Variants in GPR139 observed in about 807,000 individuals in gnomAD.
The protein encoded by GPR139 is probable G protein-coupled receptor 139.
Under a neutral mutation model 25.8 loss-of-function variants are expected in GPR139, and 12 were observed. The observed-to-expected ratio is 0.47, with a 90% CI of 0.30 to 0.75. GPR139 has a LOEUF of 0.75. Among genes scored for constraint, GPR139 ranks in the 30% least tolerant of loss-of-function variants. The pLI is 0.07. For missense variants in GPR139, 380 were observed against 450.2 expected, an observed-to-expected ratio of 0.84 and a Z score of 1.41; for synonymous variants, 184 against 179.9, an observed-to-expected ratio of 1.02 and a Z score of -0.18.
chr16:20,041,255 GGA>G (rs2057334275), intron 1 of GPR139, among the ~76,000 whole-genome samples: 1 of 896 alleles, frequency 1.1e-3, no homozygotes, highest in Non-Finnish European at 2.8e-3. Flanking sequence ...GGAGAGGGAA[GGA>G]GAAAAGAAAA....
intron 1 of GPR139, among the ~76,000 whole-genome samples, chr16:20,046,339 G>C (rs1902813): frequency 0.19 from 28,632 of 152,182 alleles, 3,346 homozygotes; most frequent in East Asian, 0.37. Context: ...CACACAAGTG[G>C]TTTGCATCCA....
At chr16:20,063,561 G>A (rs2057421349) in intron 1 of GPR139, among the ~76,000 whole-genome samples, 1 of 152,202 alleles carries the variant, frequency 6.6e-6, no homozygotes, top group South Asian at 2.1e-4. Flanking sequence ...ACATACACTA[G>A]CACCAAGCTG....
chr16:20,062,491 C>G (rs533537598), intron 1 of GPR139, among the ~76,000 whole-genome samples: 11 of 152,254 alleles, frequency 7.2e-5, no homozygotes, highest in Non-Finnish European at 1.2e-4. Context: ...ATTTATAAAG[C>G]CTTCAGAACT....
intron 1 of GPR139, among the ~76,000 whole-genome samples, chr16:20,050,111 A>G (rs2141208191): frequency 6.6e-6 from 1 of 152,350 alleles, no homozygotes; most frequent in Non-Finnish European, 1.5e-5. Flanking sequence ...ACTCAGAGAG[A>G]AGCTCCATGA....
chr16:20,048,843 G>T (rs2057362575), intron 1 of GPR139, among the ~76,000 whole-genome samples: 1 of 152,128 alleles, frequency 6.6e-6, no homozygotes, highest in Admixed American at 6.5e-5. Context: ...GCTCCCTTCT[G>T]CAACCCCTGC....
At chr16:20,040,852 G>T (rs2057327266) in intron 1 of GPR139, among the ~76,000 whole-genome samples, 1 of 152,106 alleles carries the variant, frequency 6.6e-6, no homozygotes, top group Non-Finnish European at 1.5e-5. Context: ...GAGCACAGTT[G>T]CTCAGTCCAC....
At position 20,029,963 on chromosome 16, in the gene GPR139, G is replaced by A. The variant is rs1342555131; in HGVS notation, c.*1772C>T. Among the ~76,000 whole-genome samples the A allele has an allele frequency of 6.6e-6, 1 of 152,150 alleles. No individual in the cohort carries two copies. The highest frequency in any genetic ancestry group is 2.4e-5 in the African/African-American group (1 of 41,436). ...TCTTTTTTGAGGATCTTTTGCAAAG[G>A]TAACTTTGGCTCTGTAAGGTTTTAT... On this transcript the variant is annotated 3_prime_UTR_variant, in exon 2 of 2. Transcript: ENST00000570682.
intron 1 of GPR139, among the ~76,000 whole-genome samples, chr16:20,039,967 TAAGTGGGTCTTTTG>T (rs1292073656): frequency 2.0e-5 from 3 of 152,194 alleles, no homozygotes; most frequent in African/African-American, 7.2e-5. Context: ...GGTTAGGTCA[TAAGTGGGTCTTTTG>T]AACACATGCT....
chr16:20,062,941 C>T (rs186183700), intron 1 of GPR139, among the ~76,000 whole-genome samples: 2 of 152,172 alleles, frequency 1.3e-5, no homozygotes, highest in East Asian at 1.9e-4. Flanking sequence ...AAATTTTCAT[C>T]GGAAGTCTCT....
In GPR139 at chr16:20,073,624, C is replaced by T. The variant is rs1387046289; in HGVS notation, c.-8G>A. ...GGCGTGCGTGTGCTCCATGAGCGCG[C>T]CCCTCGCTCCCCTTGCCGCTTCGCG... On this transcript the variant is annotated 5_prime_UTR_variant, in exon 1 of 2. Coordinates refer to ENST00000570682, the MANE Select transcript of GPR139 (RefSeq NM_001002911.4). The surrounding 1 kb of genome is among the most constrained non-coding windows in gnomAD (Gnocchi z 4.7). 6.3e-7 allele frequency: 1 copy of T among 1,579,646 alleles called. No individual in the cohort carries two copies. The highest frequency in any genetic ancestry group is 2.3e-5 in the East Asian group (1 of 42,804).
At chr16:20,034,383 T>A (rs559402779) in intron 1 of GPR139, among the ~76,000 whole-genome samples, 1 of 152,352 alleles carries the variant, frequency 6.6e-6, no homozygotes, top group African/African-American at 2.4e-5. Context: ...ACTTCAGCTC[T>A]CTTTAAAGAA....
chr16:20,044,485 C>T (rs1490719700), intron 1 of GPR139, among the ~76,000 whole-genome samples: 1 of 152,094 alleles, frequency 6.6e-6, no homozygotes, highest in Non-Finnish European at 1.5e-5. Flanking sequence ...CATCGTGGCT[C>T]ACATCTAGGG....
At chr16:20,071,714 G>A (rs2057459901) in intron 1 of GPR139, among the ~76,000 whole-genome samples, 1 of 152,166 alleles carries the variant, frequency 6.6e-6, no homozygotes, top group Non-Finnish European at 1.5e-5. Flanking sequence ...GAAGGTGCGA[G>A]GTACCTTGGC....
intron 1 of GPR139, among the ~76,000 whole-genome samples, chr16:20,035,345 T>C (rs1338783915): frequency 1.3e-5 from 2 of 152,216 alleles, no homozygotes; most frequent in African/African-American, 2.4e-5. Flanking sequence ...CATGAAGATA[T>C]GCTATACTGC....
chr16:20,042,645 C>T (rs1237061717), intron 1 of GPR139, among the ~76,000 whole-genome samples: 1 of 152,052 alleles, frequency 6.6e-6, no homozygotes, highest in East Asian at 1.9e-4. Context: ...AATTTTAGTT[C>T]CCATTTTGAT....
chr16:20,073,475 C>T lies in GPR139; in HGVS notation c.127+15G>A. Reference sequence around the variant, plus strand: ...GGGGTTCCTGGCTTCCCTCCCTCTCCCCCACGCCCCTCACCTGGTAAACCG... The same window carrying T: ...GGGGTTCCTGGCTTCCCTCCCTCTCTCCCACGCCCCTCACCTGGTAAACCG... On this transcript the variant is annotated intron_variant, in intron 1 of 1. Coordinates refer to ENST00000570682, the MANE Select transcript of GPR139 (RefSeq NM_001002911.4). This position sits in a 1 kb window ranked among gnomAD's most constrained non-coding sequence, Gnocchi z 4.7. The T allele has an allele frequency of 6.2e-7, 1 of 1,609,600 alleles. No individual in the cohort carries two copies.
intron 1 of GPR139, among the ~76,000 whole-genome samples, chr16:20,067,128 A>G (rs1218920757): frequency 2.0e-5 from 3 of 152,248 alleles, no homozygotes; most frequent in Non-Finnish European, 4.4e-5. Context: ...TTTACACTCA[A>G]TCTCACAAAG....
intron 1 of GPR139, among the ~76,000 whole-genome samples, chr16:20,058,212 C>T (rs538614382): frequency 4.3e-4 from 65 of 151,852 alleles, no homozygotes; most frequent in African/African-American, 1.5e-3. Flanking sequence ...TAACTATACC[C>T]AGCAAAAACT....
rs143239625 is a variant in GPR139 at position 20,052,352 on chromosome 16, G to T, written c.128-19683C>A. The stretch of plus-strand genomic sequence containing the variant: ...AGACAGGACAGAGAAAGCGTCAGTA[G>T]AAAAAGCCAGCAGTTCTCTGCCCCA... On this transcript the variant is annotated intron_variant, in intron 1 of 1. Coordinates refer to ENST00000570682, the MANE Select transcript of GPR139 (RefSeq NM_001002911.4). Among the ~76,000 whole-genome samples the T allele has an allele frequency of 4.6e-3, 702 of 152,330 alleles. 4 individuals carry two copies. Among genetic ancestry groups the T allele is most frequent in the African/African-American group, 0.016 (661 of 41,572 alleles).
Sources: allele counts gnomAD v4.1 joint callset (sites outside exome capture counted in the v4.1 genomes callset), GRCh38; gene constraint gnomAD v4.1.1; non-coding constraint Gnocchi (gnomAD v3.1); transcripts MANE v1.5; gene names NCBI Gene and HGNC (gene_info 2026-07-23, HGNC 2026-07-21).